The following MUC13 variants were observed in gnomAD, a reference collection of about 807,000 sequenced individuals.
MUC13 encodes the protein mucin 13, cell surface associated, also known as mucin-13.
A neutral mutation model predicts 48.3 loss-of-function variants in MUC13; 32 were observed. The ratio of observed to expected loss-of-function variants is 0.66; its 90% CI spans 0.50 to 0.89. The LOEUF (loss-of-function observed/expected upper bound fraction) is 0.89. Among genes scored for constraint, MUC13 ranks in the 40% least tolerant of loss-of-function variants. MUC13 has a pLI of 0.00. For synonymous variants in MUC13, 199 were observed against 224.9 expected (o/e 0.88, Z 1.03); for missense variants, 571 against 622.8 (o/e 0.92, Z 0.88).
chr3:124,909,437 T>G (rs1935378420), intron 10 of MUC13, among the ~76,000 whole-genome samples: 1 of 151,848 alleles, frequency 6.6e-6, no homozygotes, highest in Non-Finnish European at 1.5e-5. Flanking sequence ...AGAAGAGACC[T>G]TAAGGCACCA....
chr3:124,912,935 C>CA (rs1175714352), intron 8 of MUC13, among the ~76,000 whole-genome samples, 176 bp downstream of exon 8: 1,717 of 39,794 alleles, frequency 0.043, 35 homozygotes, highest in Non-Finnish European at 0.05. Context: ...GACTCCATCT[C>CA]AAAAAAAAAA....
At chr3:124,910,611 G>A in intron 9 of MUC13, 112 bp from the exon 10 acceptor site, 1 of 1,492,926 alleles carries the variant, frequency 6.7e-7, no homozygotes. Flanking sequence ...ATCAGGTTCT[G>A]GTCTCCAACC....
intron 10 of MUC13, 116 bp downstream of exon 10, chr3:124,910,299 C>T (rs1373111205): frequency 4.2e-6 from 6 of 1,416,288 alleles, no homozygotes; most frequent in East Asian, 2.5e-5. Context: ...TTTGGGAGGC[C>T]AAGGTGGGAG....
At chr3:124,927,174 C>T (rs1279341328) in intron 2 of MUC13, among the ~76,000 whole-genome samples, 2 of 152,118 alleles carry the variant, frequency 1.3e-5, no homozygotes, top group Admixed American at 1.3e-4. Context: ...ACAGTCTGTG[C>T]TTATTTGGAC....
Position 124,909,460 on chromosome 3 carries a change from T to A in MUC13, c.1337+955A>T, listed in dbSNP as rs116230871. On this transcript the variant is annotated intron_variant, in intron 10 of 11. Coordinates refer to ENST00000616727, the MANE Select transcript of MUC13 (RefSeq NM_033049.4). ...CCTTAAGGCACCAAGCTAATAGCCA[T>A]GCAGAGATGACACGTGTGTGCTTGC... 9.5e-3 allele frequency among the ~76,000 whole-genome samples: 1,421 copies of A among 149,972 alleles called. 31 individuals carry two copies. Among genetic ancestry groups the A allele is most frequent in the African/African-American group, 0.032 (1,323 of 41,016 alleles).
chr3:124,910,517 A>G lies in MUC13; in HGVS notation c.1253-18T>C, dbSNP rs748001415. 8.7e-6 allele frequency: 14 copies of G among 1,613,820 alleles called. No individual in the cohort carries two copies. Among genetic ancestry groups the G allele is most frequent in the African/African-American group, 1.3e-5 (1 of 75,030 alleles). The stretch of plus-strand genomic sequence containing the variant: ...CTGAAATTCTGAAAGGAAGAAGAAA[A>G]TAAGAACAGTCTCCAACAAGCTGGC... On this transcript the variant is annotated intron_variant, in intron 9 of 11. Coordinates refer to ENST00000616727, the MANE Select transcript of MUC13 (RefSeq NM_033049.4).
Position 124,916,309 on chromosome 3 carries a change from A to G in MUC13, c.964+8T>C, listed in dbSNP as rs1935510037. ...GGTGAACTTTGAATAAAATTATACA[A>G]TACTTACAATCATAGTTTAGAAAGT... On this transcript the variant is annotated splice_region_variant and intron_variant, in intron 6 of 11. Coordinates refer to ENST00000616727, the MANE Select transcript of MUC13 (RefSeq NM_033049.4). 7 of 1,604,324 alleles carry G rather than the reference A, an allele frequency of 4.4e-6. No individual in the cohort carries two copies. Among genetic ancestry groups the G allele is most frequent in the Non-Finnish European group, 6.0e-6 (7 of 1,174,816 alleles).
intron 1 of MUC13, among the ~76,000 whole-genome samples, chr3:124,934,204 C>T (rs12374002): frequency 0.5 from 76,545 of 152,034 alleles, 21,017 homozygotes; most frequent in Non-Finnish European, 0.63. Flanking sequence ...TGGAGTCTCG[C>T]TCTGTCACTC....
intron 5 of MUC13, among the ~76,000 whole-genome samples, chr3:124,918,175 C>T (rs1459423392): frequency 3.9e-5 from 6 of 152,168 alleles, no homozygotes; most frequent in Non-Finnish European, 8.8e-5. Flanking sequence ...TAGGAAAGAG[C>T]TTGGGGAGTC....
At chr3:124,922,059 C>G (rs1246477744) in intron 4 of MUC13, 138 bp downstream of exon 4, 2 of 997,972 alleles carry the variant, frequency 2.0e-6, no homozygotes, top group Non-Finnish European at 2.8e-6. Flanking sequence ...GTTTACCGAC[C>G]AGTAAAGGTA....
chr3:124,916,690 C>G (rs59518935), intron 5 of MUC13, among the ~76,000 whole-genome samples: 3,748 of 152,162 alleles, frequency 0.025, 143 homozygotes, highest in African/African-American at 0.086. Context: ...CAGAGGAAAC[C>G]TATGGTGAAA....
At chr3:124,933,898 A>G (rs1416783262) in intron 1 of MUC13, among the ~76,000 whole-genome samples, 2 of 152,164 alleles carry the variant, frequency 1.3e-5, no homozygotes, top group Non-Finnish European at 2.9e-5. Context: ...TGGCCCATAG[A>G]ACCCTTCCTA....
chr3:124,933,438 G>A (rs1935830114), intron 1 of MUC13, among the ~76,000 whole-genome samples: 1 of 152,128 alleles, frequency 6.6e-6, no homozygotes, highest in African/African-American at 2.4e-5. Flanking sequence ...TCCCTGTTAT[G>A]TCATTATCCA....
At chr3:124,923,102 G>GAAAAA (rs60674640) in intron 3 of MUC13, among the ~76,000 whole-genome samples, 3 of 141,624 alleles carry the variant, frequency 2.1e-5, no homozygotes, top group Admixed American at 7.0e-5. Context: ...TCATAAAACA[G>GAAAAA]AAAAAAAAAA....
At chr3:124,914,662 C>A (rs1171920734) in intron 6 of MUC13, among the ~76,000 whole-genome samples, 2 of 152,192 alleles carry the variant, frequency 1.3e-5, no homozygotes, top group African/African-American at 2.4e-5. Context: ...TATGGTGGCT[C>A]ACACCTGTAA....
intron 3 of MUC13, 62 bp from the exon 4 acceptor site, chr3:124,922,365 T>C (rs1935612954): frequency 1.3e-6 from 2 of 1,555,384 alleles, no homozygotes; most frequent in South Asian, 2.4e-5. Context: ...TCCATTTTGT[T>C]TTAAAACATA....
chr3:124,925,201 G>C (rs1431768341), intron 2 of MUC13, among the ~76,000 whole-genome samples: 5 of 152,184 alleles, frequency 3.3e-5, no homozygotes, highest in Admixed American at 2.6e-4. Context: ...ATGCTACTAT[G>C]TAAAAGAAGC....
chr3:124,934,307 A>G (rs1450021413), intron 1 of MUC13, among the ~76,000 whole-genome samples: 1 of 152,066 alleles, frequency 6.6e-6, no homozygotes, highest in African/African-American at 2.4e-5. Context: ...ACAGGTGCCC[A>G]CCGCCACACC....
intron 3 of MUC13, 54 bp from the exon 4 acceptor site, chr3:124,922,357 C>T (rs1412154328): frequency 6.3e-7 from 1 of 1,575,248 alleles, no homozygotes; most frequent in African/African-American, 1.4e-5. Flanking sequence ...GGGTCATTTC[C>T]ATTTTGTTTT....
Sources: gnomAD v4.1 joint callset for allele counts (sites outside exome capture counted in the v4.1 genomes callset) on GRCh38, gnomAD v4.1.1 for gene constraint, MANE v1.5 for transcripts, NCBI Gene and HGNC (gene_info 2026-07-23, HGNC 2026-07-21) for gene names.